WDR72: variants seen among roughly 807,000 people sequenced by gnomAD.
WDR72 encodes the protein WD repeat domain 72.
Under a neutral mutation model 124.2 loss-of-function variants are expected in WDR72, and 120 were observed. The observed-to-expected ratio is 0.97, with a 90% confidence interval of 0.83 to 1.12. The LOEUF (loss-of-function observed/expected upper bound fraction) is 1.12. Among genes scored for constraint, WDR72 ranks in the 50% most tolerant of loss-of-function variants. The pLI is 0.00. For missense variants in WDR72, 1,387 were observed against 1,278.8 expected (o/e 1.08, Z -1.29); for synonymous variants, 452 against 441.7 (o/e 1.02, Z -0.29).
At chr15:53,679,250 C>G (rs1052097963) in intron 13 of WDR72, among the ~76,000 whole-genome samples, 21 of 152,126 alleles carry the variant, frequency 1.4e-4, no homozygotes, top group African/African-American at 5.1e-4. Flanking sequence ...GATGGTTGCA[C>G]AACAATGTGA....
rs553140105 is a variant in WDR72, at chr15:53,673,246, T to C, written c.1766-7478A>G. Reference sequence around the variant, plus strand: ...GTATGAATAGCTTTAAATTACATACTTCCTCCTACAAATTAACTCGGTCCA... The same window carrying C: ...GTATGAATAGCTTTAAATTACATACCTCCTCCTACAAATTAACTCGGTCCA... On this transcript the variant is annotated intron_variant, in intron 13 of 19. Transcript: ENST00000360509. Among the ~76,000 whole-genome samples the C allele has an allele frequency of 1.1e-4, 16 of 152,338 alleles. No individual in the cohort carries two copies. The South Asian group carries it at 3.1e-3, about 30-fold the overall frequency.
intron 13 of WDR72, among the ~76,000 whole-genome samples, chr15:53,694,160 G>A (rs1045970880): frequency 6.6e-6 from 1 of 152,154 alleles, no homozygotes; most frequent in Non-Finnish European, 1.5e-5. Flanking sequence ...AGCCAGCCCA[G>A]TTCTCCAACA....
chr15:53,674,195 T>C (rs1262770765), intron 13 of WDR72, among the ~76,000 whole-genome samples: 4 of 152,158 alleles, frequency 2.6e-5, no homozygotes, highest in Admixed American at 2.0e-4. Flanking sequence ...GAGGACAATA[T>C]TTCAAAGTGA....
In WDR72 at chr15:53,615,315, AC is replaced by A. The variant is rs1213496937; in HGVS notation, c.2780+110del. On this transcript the variant is annotated intron_variant, in intron 15 of 19. Transcript: ENST00000360509. ...TTAAACCAGAAATTGTTGCATACTTACCCCCCACTGGAAAGAAGGAAGGAAT... is the reference window on the plus strand; with the variant it reads ...TTAAACCAGAAATTGTTGCATACTTACCCCCACTGGAAAGAAGGAAGGAAT... 55 of 827,218 alleles carry A rather than the reference AC, an allele frequency of 6.6e-5. 1 individual carries two copies. The highest frequency in any genetic ancestry group is 5.0e-4 in the South Asian group (26 of 51,698). The allele number at this position is 827,218 out of a possible 1,614,324, so 51.2% of individuals were successfully genotyped here.
chr15:53,513,895 C>G lies in WDR72; in HGVS notation c.*3804G>C, dbSNP rs1891304935. The G allele has an allele frequency of 6.6e-6, 1 of 152,154 alleles. No individual in the cohort carries two copies. Among genetic ancestry groups the G allele is most frequent in the Admixed American group, 6.5e-5 (1 of 15,272 alleles). The allele number at this position is 152,154 out of a possible 1,614,324, so 9.4% of individuals were successfully genotyped here. ...GTACTAGGACAGGCCTCCCATTAGA[C>G]ACATGCTGTCTTCCAGGGGTCCCAA... On this transcript the variant is annotated 3_prime_UTR_variant, in exon 20 of 20. Coordinates refer to ENST00000360509, the MANE Select transcript of WDR72 (RefSeq NM_182758.4).
At chr15:53,720,746 C>T (rs373770587) in intron 3 of WDR72, among the ~76,000 whole-genome samples, 29 of 152,286 alleles carry the variant, frequency 1.9e-4, no homozygotes, top group African/African-American at 7.0e-4. Flanking sequence ...ACAGGATCTT[C>T]TCTTTTTCTT....
chr15:53,534,974 G>T (rs1892681873), intron 18 of WDR72, among the ~76,000 whole-genome samples: 1 of 151,904 alleles, frequency 6.6e-6, no homozygotes, highest in South Asian at 2.1e-4. Context: ...TTTATTCTAT[G>T]TTCAGCCATC....
intron 1 of WDR72, among the ~76,000 whole-genome samples, chr15:53,757,807 T>C (rs572489439): frequency 1.3e-5 from 2 of 152,266 alleles, no homozygotes; most frequent in East Asian, 3.9e-4. Flanking sequence ...AAAATCTTAC[T>C]GATACCATTA....
Position 53,705,088 on chromosome 15 carries a change from A to G in WDR72, c.1248T>C (p.Leu416=). 1 of 1,614,160 alleles carries G rather than the reference A, an allele frequency of 6.2e-7. No homozygotes were observed. The highest frequency in any genetic ancestry group is 8.5e-7 in the Non-Finnish European group (1 of 1,180,024). ...CTTCACAGCCACATATTAGTTTATC[A>G]AGACTTGGAATATACTCTGATGAAG... ...VVTSSEYIPS[L]DKLICGCEDG... is the part of the protein sequence containing the mutation. Residue 416 remains leucine (L), a synonymous_variant, in exon 11 of 20, where the codon CTT becomes CTC. Transcript: ENST00000360509.
At chr15:53,614,118 C>G (rs750240661) in intron 15 of WDR72, among the ~76,000 whole-genome samples, 17 of 152,056 alleles carry the variant, frequency 1.1e-4, no homozygotes, top group African/African-American at 2.7e-4. Context: ...ATGTTCACAT[C>G]TGTCAAAGAA....
chr15:53,550,647 G>T (rs77579188), intron 18 of WDR72, among the ~76,000 whole-genome samples: 2,412 of 152,292 alleles, frequency 0.016, 70 homozygotes, highest in African/African-American at 0.055. Context: ...CCTCCACAAG[G>T]AATGATTAGG....
chr15:53,538,411 G>A (rs1464918023), intron 18 of WDR72, among the ~76,000 whole-genome samples: 1 of 152,146 alleles, frequency 6.6e-6, no homozygotes, highest in Non-Finnish European at 1.5e-5. Context: ...GAAACTGAAA[G>A]TCTAATGAAG....
chr15:53,625,556 T>C (rs950888773), intron 14 of WDR72, among the ~76,000 whole-genome samples: 1 of 151,980 alleles, frequency 6.6e-6, no homozygotes, highest in Non-Finnish European at 1.5e-5. Context: ...AAACAGCAGG[T>C]GGGGAGTAGG....
rs1446884236 is a variant in WDR72 at position 53,665,553 on chromosome 15, C to T, written c.1962+19G>A. The T allele has an allele frequency of 1.9e-6, 3 of 1,613,348 alleles. No individual in the cohort carries two copies. The African/African-American group carries it at 4.0e-5, about 22-fold the overall frequency. ...GGTTGATAATGTTCTTTGTGAACAACAGCTTGATTTGAACTTACCTTACAT... is the reference window on the plus strand; with the variant it reads ...GGTTGATAATGTTCTTTGTGAACAATAGCTTGATTTGAACTTACCTTACAT... On this transcript the variant is annotated intron_variant, in intron 14 of 19. Coordinates refer to ENST00000360509, the MANE Select transcript of WDR72 (RefSeq NM_182758.4).
At chr15:53,655,567 T>C (rs1595823295) in intron 14 of WDR72, among the ~76,000 whole-genome samples, 1 of 152,246 alleles carries the variant, frequency 6.6e-6, no homozygotes, top group East Asian at 1.9e-4. Context: ...GAGATTGGCC[T>C]GAGAGACAAG....
intron 19 of WDR72, among the ~76,000 whole-genome samples, chr15:53,519,906 A>C (rs1464926236): frequency 6.6e-6 from 1 of 152,086 alleles, no homozygotes; most frequent in Admixed American, 6.6e-5. Flanking sequence ...ATATAAAAAT[A>C]AACAATCTAC....
At chr15:53,723,064 G>A (rs1017623049) in intron 2 of WDR72, among the ~76,000 whole-genome samples, 156 bp from the exon 3 acceptor site, 49 of 152,164 alleles carry the variant, frequency 3.2e-4, no homozygotes, top group African/African-American at 1.2e-3. Flanking sequence ...AACATCCACA[G>A]AGTAATAAAC....
intron 2 of WDR72, among the ~76,000 whole-genome samples, chr15:53,727,226 T>TAAAAA (rs57976197): frequency 2.4e-5 from 3 of 125,732 alleles, no homozygotes; most frequent in African/African-American, 9.4e-5. Flanking sequence ...AGACTCTGTC[T>TAAAAA]AAAAAAAAAA....
At chr15:53,739,230 C>A (rs1246103856) in intron 1 of WDR72, among the ~76,000 whole-genome samples, 2 of 150,920 alleles carry the variant, frequency 1.3e-5, no homozygotes, top group African/African-American at 4.9e-5. Flanking sequence ...AAGTAAGCAT[C>A]AAAAAAAAGT....
Sources: gnomAD v4.1 joint callset for allele counts (sites outside exome capture counted in the v4.1 genomes callset) on GRCh38, gnomAD v4.1.1 for gene constraint, MANE v1.5 for transcripts, NCBI Gene and HGNC (gene_info 2026-07-23, HGNC 2026-07-21) for gene names.